FASTKD1: variants seen among roughly 807,000 people sequenced by gnomAD.
The protein encoded by FASTKD1 is FAST kinase domains 1, also known as FAST kinase domain-containing protein 1, mitochondrial.
Under a neutral mutation model 90.9 loss-of-function variants are expected in FASTKD1, and 94 were observed. That is an observed-to-expected ratio of 1.03 (90% CI 0.88 to 1.23). FASTKD1 has a LOEUF of 1.23. Ranked by LOEUF, FASTKD1 falls within the 50% of genes most tolerant of loss-of-function variation. FASTKD1 has a pLI of 0.00. For synonymous variants in FASTKD1, 319 were observed against 345.8 expected (o/e 0.92, Z 0.86); for missense variants, 945 against 993.5 (o/e 0.95, Z 0.66).
intron 3 of FASTKD1, among the ~76,000 whole-genome samples, chr2:169,565,018 G>C (rs1683894648): frequency 1.4e-5 from 2 of 145,724 alleles, no homozygotes; most frequent in Admixed American, 1.4e-4. Flanking sequence ...GCAATGGCGC[G>C]ATCTCGGTTC....
chr2:169,538,601 A>G (rs1292668420), intron 10 of FASTKD1, among the ~76,000 whole-genome samples: 1 of 149,016 alleles, frequency 6.7e-6, no homozygotes, highest in Non-Finnish European at 1.5e-5. Flanking sequence ...GCTTGAATCC[A>G]GAAGGTGGGG....
chr2:169,555,013 AG>A, intron 7 of FASTKD1, 110 bp downstream of exon 7: 1 of 945,656 alleles, frequency 1.1e-6, no homozygotes, highest in East Asian at 2.7e-5. Flanking sequence ...TTTACTAATA[AG>A]CTTCACAATT....
intron 7 of FASTKD1, among the ~76,000 whole-genome samples, chr2:169,549,569 C>T (rs907127038): frequency 2.2e-4 from 33 of 151,962 alleles, no homozygotes; most frequent in Admixed American, 8.5e-4. Flanking sequence ...GGCTCAAGTA[C>T]TCCTCCTGCC....
chr2:169,566,202 G>A (rs1031985886), intron 3 of FASTKD1, among the ~76,000 whole-genome samples: 6 of 152,072 alleles, frequency 3.9e-5, no homozygotes, highest in Non-Finnish European at 8.8e-5. Context: ...CTACAAGCGT[G>A]TGCCACCACG....
At position 169,528,815 on chromosome 2, in the gene FASTKD1, C is replaced by T. The variant is rs1164842419; in HGVS notation, c.*1010G>A. Among the ~76,000 whole-genome samples the T allele has an allele frequency of 6.6e-6, 1 of 152,102 alleles. No homozygotes were observed. Among genetic ancestry groups the T allele is most frequent in the African/African-American group, 2.4e-5 (1 of 41,408 alleles). On this transcript the variant is annotated 3_prime_UTR_variant, in exon 15 of 15. Transcript: ENST00000453153. Reference sequence around the variant, plus strand: ...GCATCTGATACAACTACTCACCTCCCCCTTGAAATGCTTTATCCACTTGGC... The same window carrying T: ...GCATCTGATACAACTACTCACCTCCTCCTTGAAATGCTTTATCCACTTGGC...
intron 7 of FASTKD1, among the ~76,000 whole-genome samples, chr2:169,548,640 G>A (rs1352003259): frequency 2.7e-5 from 4 of 146,420 alleles, no homozygotes; most frequent in African/African-American, 1.0e-4. Flanking sequence ...GCTAAGGCAT[G>A]AGAATCGCTT....
At chr2:169,534,734 C>T (rs1684656463) in intron 12 of FASTKD1, among the ~76,000 whole-genome samples, 1 of 152,162 alleles carries the variant, frequency 6.6e-6, no homozygotes, top group African/African-American at 2.4e-5. Context: ...GCTGGGATTA[C>T]AGGCGTGTGC....
chr2:169,562,218 TG>T (rs1683732705), intron 4 of FASTKD1, among the ~76,000 whole-genome samples: 1 of 151,404 alleles, frequency 6.6e-6, no homozygotes, highest in African/African-American at 2.4e-5. Flanking sequence ...GTTTTGTTAC[TG>T]TTTTTTTTTC....
intron 5 of FASTKD1, 35 bp from the exon 6 acceptor site, chr2:169,557,332 G>C (rs756187338): frequency 1.0e-5 from 13 of 1,253,506 alleles, no homozygotes; most frequent in Non-Finnish European, 1.5e-5. Flanking sequence ...TTGGTTGAAA[G>C]ACTGAAAATT....
rs367556641 is a variant in FASTKD1, at chr2:169,538,133, G to A, written c.1954C>T (p.Pro652Ser). ...RLDSQLEILS[P>S]SRSARVQFHL... ...AACTGGACTCTTGCACTTCGAGATG[G>A]AGATAAAACTGAAATTAATAAAATA... Residue 652 changes from proline (P) to serine (S), a missense_variant, in exon 11 of 15, where the codon CCA becomes TCA. By Grantham distance (74) the Pro-to-Ser change is moderately conservative. Transcript: ENST00000453153. 5.6e-6 allele frequency: 9 copies of A among 1,595,088 alleles called. No individual in the cohort carries two copies. In the Admixed American group the frequency reaches 1.6e-4, roughly 29 times the overall value.
At chr2:169,531,907 G>T (rs1684508909) in intron 12 of FASTKD1, among the ~76,000 whole-genome samples, 1 of 152,168 alleles carries the variant, frequency 6.6e-6, no homozygotes. Context: ...CTAAACAGTT[G>T]ATATGGGAAA....
intron 12 of FASTKD1, among the ~76,000 whole-genome samples, chr2:169,533,874 A>G (rs1684601880): frequency 6.6e-6 from 1 of 152,148 alleles, no homozygotes; most frequent in Non-Finnish European, 1.5e-5. Context: ...TGTTAATAAT[A>G]ATAGTGGGAC....
chr2:169,553,778 C>T (rs374744093), intron 7 of FASTKD1, among the ~76,000 whole-genome samples: 11 of 151,854 alleles, frequency 7.2e-5, no homozygotes, highest in African/African-American at 1.2e-4. Flanking sequence ...AAAAATTAGC[C>T]GGGTGTGGCG....
intron 3 of FASTKD1, among the ~76,000 whole-genome samples, chr2:169,568,662 A>G (rs909256975): frequency 6.8e-6 from 1 of 146,406 alleles, no homozygotes; most frequent in African/African-American, 2.5e-5. Flanking sequence ...AAAAAGAGAG[A>G]CAGAAAAAGA....
rs375076345 is a variant in FASTKD1, at chr2:169,560,691, T to C, written c.667A>G (p.Ile223Val). ...GCAACGTTGACCTCAGAAGAATCTA[T>C]GGTGTCAAAAAGAAGTTCTGTTTTG... ...VNKTELLFDT[I>V]DSSEVNVAKS... is the part of the protein sequence containing the mutation. The change falls in exon 5 of 15, where the codon ATA becomes GTA. Residue 223 changes from isoleucine (I) to valine (V), a missense_variant. Ile to Val is a conservative substitution (Grantham distance 29, BLOSUM62 3). Transcript: ENST00000453153. The C allele has an allele frequency of 1.1e-4, 185 of 1,611,284 alleles. No homozygotes were observed. The highest frequency in any genetic ancestry group is 1.4e-4 in the Non-Finnish European group (166 of 1,179,280).
At chr2:169,564,074 T>A (rs1683841449) in intron 3 of FASTKD1, among the ~76,000 whole-genome samples, 1 of 152,174 alleles carries the variant, frequency 6.6e-6, no homozygotes, top group African/African-American at 2.4e-5. Context: ...CTTGGTGCTG[T>A]TACATAGCAA....
chr2:169,548,240 C>T (rs1244320894), intron 7 of FASTKD1, among the ~76,000 whole-genome samples: 1 of 151,874 alleles, frequency 6.6e-6, no homozygotes, highest in Non-Finnish European at 1.5e-5. Flanking sequence ...CCTGTCAGGC[C>T]CTGGCATGCA....
chr2:169,549,412 AT>A (rs1437335293), intron 7 of FASTKD1, among the ~76,000 whole-genome samples: 3 of 152,148 alleles, frequency 2.0e-5, no homozygotes, highest in African/African-American at 7.2e-5. Context: ...TCAAAAAAAA[AT>A]TAAAAATAAA....
Position 169,531,367 on chromosome 2 carries a change from G to A in FASTKD1, c.2312C>T (p.Pro771Leu). Residue 771 changes from proline to leucine, a missense_variant, in exon 13 of 15, where the codon CCA becomes CTA. Physicochemically the swap from Pro to Leu is moderately conservative, Grantham distance 98. Transcript: ENST00000453153. Reference sequence around the variant, plus strand: ...AATAAATTACCTTTCAGCCCCTGGTGGCAGCCTTGATCCAACTATTTCGAT... The same window carrying A: ...AATAAATTACCTTTCAGCCCCTGGTAGCAGCCTTGATCCAACTATTTCGAT... ...SNIEIVGSRL[P>L]PGAERIALEF... 6.2e-7 allele frequency: 1 copy of A among 1,613,482 alleles called. No homozygotes were observed. Among genetic ancestry groups the A allele is most frequent in the South Asian group, 1.1e-5 (1 of 91,040 alleles).
Sources: allele counts gnomAD v4.1 joint callset (sites outside exome capture counted in the v4.1 genomes callset), GRCh38; gene constraint gnomAD v4.1.1; transcripts MANE v1.5; gene names NCBI Gene and HGNC (gene_info 2026-07-23, HGNC 2026-07-21).